Variants in ANK2 observed in about 807,000 individuals in gnomAD.
ANK2 encodes the protein ankyrin 2.
Under a neutral mutation model 360.5 loss-of-function variants are expected in ANK2, and 83 were observed. The ratio of observed to expected loss-of-function variants is 0.23; its 90% CI spans 0.19 to 0.28. The LOEUF (loss-of-function observed/expected upper bound fraction) is 0.28. Ranked by LOEUF, ANK2 falls within the 10% of genes least tolerant of loss-of-function variation. The pLI is 1.00. For synonymous variants in ANK2, 1,740 were observed against 1,759.5 expected, an observed-to-expected ratio of 0.99 and a Z score of 0.28; for missense variants, 4,201 against 4,795.7, an observed-to-expected ratio of 0.88 and a Z score of 3.66.
At chr4:113,046,134 A>G (rs528269109), upstream of ANK2, among the ~76,000 whole-genome samples, 1 of 152,302 alleles carries the variant, frequency 6.6e-6, no homozygotes, top group South Asian at 2.1e-4. Flanking sequence ...AGAAGAGGAA[A>G]GATGACTGCC....
chr4:112,945,038 C>G (rs1251693806), intron 2 of ANK2, among the ~76,000 whole-genome samples: 1 of 152,108 alleles, frequency 6.6e-6, no homozygotes, highest in African/African-American at 2.4e-5. Context: ...AACAAATAGC[C>G]CCTAACCTTA....
intron 1 of ANK2, among the ~76,000 whole-genome samples, chr4:113,050,765 A>G (rs575065425): frequency 6.6e-6 from 1 of 152,340 alleles, no homozygotes; most frequent in African/African-American, 2.4e-5. Flanking sequence ...TGGATTTTGA[A>G]TAAGCAGATT....
chr4:112,829,886 G>C (rs1476576505), intron 1 of ANK2, among the ~76,000 whole-genome samples: 1 of 152,100 alleles, frequency 6.6e-6, no homozygotes, highest in African/African-American at 2.4e-5. Context: ...GTGAACCCGG[G>C]TGGTGGAGCT....
intron 2 of ANK2, among the ~76,000 whole-genome samples, chr4:112,966,797 G>A (rs1485559143): frequency 6.6e-6 from 1 of 152,176 alleles, no homozygotes; most frequent in African/African-American, 2.4e-5. Flanking sequence ...GATCTATGAT[G>A]TTTGATTGAC....
chr4:112,712,618 A>C, the ANK2 span, among the ~76,000 whole-genome samples: 2 of 151,458 alleles, frequency 1.3e-5, no homozygotes, highest in Admixed American at 1.3e-4. Flanking sequence ...CGTGTTAGCC[A>C]GGATGGTCTC....
chr4:113,107,054 G>A (rs745667532), intron 1 of ANK2: 9 of 390,212 alleles, frequency 2.3e-5, no homozygotes, highest in African/African-American at 6.3e-5. Flanking sequence ...TTTGTGAGGC[G>A]TCCCTTTATT....
intron 1 of ANK2, among the ~76,000 whole-genome samples, chr4:113,091,109 G>T (rs1264452989): frequency 6.6e-6 from 1 of 152,178 alleles, no homozygotes; most frequent in African/African-American, 2.4e-5. Flanking sequence ...CAGTGGTACA[G>T]GTTCTGCCCA....
chr4:113,350,928 T>C (rs1425521832), intron 37 of ANK2: 4 of 152,082 alleles, frequency 2.6e-5, no homozygotes, highest in Admixed American at 1.3e-4. Context: ...CATGTTATTA[T>C]AGGGTTAATT....
At chr4:112,735,729 T>G in the ANK2 span, among the ~76,000 whole-genome samples, 1 of 152,242 alleles carries the variant, frequency 6.6e-6, no homozygotes, top group African/African-American at 2.4e-5. Context: ...TAACCATTTC[T>G]AAGTGTACAG....
chr4:112,807,675 G>A, the ANK2 span, among the ~76,000 whole-genome samples: 1 of 152,198 alleles, frequency 6.6e-6, no homozygotes, highest in African/African-American at 2.4e-5. Flanking sequence ...TACGAAGAGC[G>A]AATGAGATCA....
chr4:113,293,388 A>G (rs1587438844), intron 21 of ANK2, 52 bp from the exon 22 acceptor site: 11 of 1,515,280 alleles, frequency 7.3e-6, no homozygotes, highest in African/African-American at 1.4e-5. Context: ...ATTGGCTCAC[A>G]TCGCAGTCCT....
chr4:112,805,425 A>G, the ANK2 span, among the ~76,000 whole-genome samples: 1 of 152,130 alleles, frequency 6.6e-6, no homozygotes, highest in South Asian at 2.1e-4. Flanking sequence ...AAGTCAGTCA[A>G]CAGATCATTT....
chr4:113,193,944 CTTCA>C (rs1321308507), intron 2 of ANK2, among the ~76,000 whole-genome samples: 1 of 152,118 alleles, frequency 6.6e-6, no homozygotes, highest in African/African-American at 2.4e-5. Context: ...CTGTGAAACT[CTTCA>C]TTCAACATGT....
intron 1 of ANK2, among the ~76,000 whole-genome samples, chr4:112,893,520 G>A (rs981286665): frequency 6.6e-6 from 1 of 152,010 alleles, no homozygotes; most frequent in East Asian, 1.9e-4. Flanking sequence ...ACTTTTAATG[G>A]CAAAACTGCG....
chr4:113,373,162 G>T lies in ANK2; in HGVS notation c.11683G>T (p.Val3895Leu). The T allele has an allele frequency of 1.2e-6, 2 of 1,614,000 alleles. No individual in the cohort carries two copies. The highest frequency in any genetic ancestry group is 1.7e-6 in the Non-Finnish European group (2 of 1,179,874). The change falls in exon 44 of 46, where the codon GTG (valine) becomes TTG (leucine). Residue 3895 changes from valine (V) to leucine (L), a missense_variant. Transcript: ENST00000357077. ...EEYIDEHGHT[V>L]VKKVTRKIIR... ...ATACATTGATGAGCATGGACACACC[G>T]TGGTAAAGAAGGTATTGTCTAGTAT...
Position 113,287,839 on chromosome 4 carries a change from C to T in ANK2, c.2178+136C>T, listed in dbSNP as rs563801711. 9.1e-6 allele frequency: 7 copies of T among 766,450 alleles called. No individual in the cohort carries two copies. In the Middle Eastern group the frequency reaches 1.2e-3, roughly 130 times the overall value. 47.5% of individuals were successfully genotyped at this position (766,450 alleles called of 1,614,324 possible). ...TGAAATATAAACTAATCATAACCCT[C>T]TCCTATGCACAAATCTATGGTGGCT... On this transcript the variant is annotated intron_variant, in intron 19 of 45. Transcript: ENST00000357077.
chr4:112,770,418 G>T, the ANK2 span, among the ~76,000 whole-genome samples: 2 of 152,126 alleles, frequency 1.3e-5, no homozygotes, highest in African/African-American at 2.4e-5. Flanking sequence ...AGATTTATGT[G>T]CATTAGGCTG....
At chr4:112,713,228 G>C in the ANK2 span, among the ~76,000 whole-genome samples, 7 of 152,058 alleles carry the variant, frequency 4.6e-5, no homozygotes, top group African/African-American at 1.4e-4. Context: ...GTATTCCATC[G>C]TATGGGTGCA....
At chr4:112,977,876 C>T (rs2041953425) in intron 2 of ANK2, among the ~76,000 whole-genome samples, 1 of 152,126 alleles carries the variant, frequency 6.6e-6, no homozygotes, top group Non-Finnish European at 1.5e-5. Context: ...ATGATGGTTT[C>T]CAGCTTCATC....
Sources: allele counts gnomAD v4.1 joint callset (sites outside exome capture counted in the v4.1 genomes callset), GRCh38; gene constraint gnomAD v4.1.1; transcripts MANE v1.5; gene names NCBI Gene and HGNC (gene_info 2026-07-23, HGNC 2026-07-21).